FHL2: variants seen among roughly 807,000 people sequenced by gnomAD.
FHL2 encodes the protein four and a half LIM domains 2.
Under a neutral mutation model 32.7 loss-of-function variants are expected in FHL2, and 20 were observed. The observed-to-expected ratio is 0.61, with a 90% CI of 0.43 to 0.89. The LOEUF is 0.89. Among genes scored for constraint, FHL2 ranks in the 40% least tolerant of loss-of-function variants. FHL2 has a pLI of 0.00. For synonymous variants in FHL2, 123 were observed against 128.1 expected (o/e 0.96, Z 0.27); for missense variants, 311 against 358.6 (o/e 0.87, Z 1.07).
At chr2:105,385,542 G>T (rs1163268667) in intron 3 of FHL2, among the ~76,000 whole-genome samples, 1 of 152,232 alleles carries the variant, frequency 6.6e-6, no homozygotes, top group Non-Finnish European at 1.5e-5. Flanking sequence ...TTCCTTTAGA[G>T]ATGCCAAAGG....
At chr2:105,430,289 C>T (rs1684390418) in intron 1 of FHL2, among the ~76,000 whole-genome samples, 1 of 152,182 alleles carries the variant, frequency 6.6e-6, no homozygotes, top group Non-Finnish European at 1.5e-5. Context: ...AAGTCTCTGT[C>T]TGATCTTCTC....
At chr2:105,363,204 T>C in intron 6 of FHL2, 81 bp downstream of exon 6, 1 of 1,403,928 alleles carries the variant, frequency 7.1e-7, no homozygotes, top group East Asian at 2.3e-5. Context: ...TTGAGGGATA[T>C]AGACAGGGTC....
chr2:105,399,804 G>A (rs1683397476), upstream of FHL2: 5 of 543,998 alleles, frequency 9.2e-6, no homozygotes, highest in Non-Finnish European at 1.6e-5. Flanking sequence ...AGGGTGCGTC[G>A]TGATGGAAAC....
chr2:105,416,379 T>G (rs1479435164), intron 1 of FHL2, among the ~76,000 whole-genome samples: 1 of 152,242 alleles, frequency 6.6e-6, no homozygotes, highest in African/African-American at 2.4e-5. Flanking sequence ...GTGGTTTTGG[T>G]TGAAATTTAT....
At chr2:105,380,340 C>A (rs912645402) in intron 3 of FHL2, among the ~76,000 whole-genome samples, 2 of 152,154 alleles carry the variant, frequency 1.3e-5, no homozygotes, top group African/African-American at 4.8e-5. Flanking sequence ...CTGTGAAGAC[C>A]TAGTGCCAAG....
chr2:105,370,316 AG>A (rs1012339142), intron 4 of FHL2, among the ~76,000 whole-genome samples: 2 of 152,056 alleles, frequency 1.3e-5, no homozygotes, highest in African/African-American at 4.8e-5. Context: ...TCAAGGCTGC[AG>A]TGAGCAGTGA....
At chr2:105,438,251 G>T in intron 1 of FHL2, 1 of 595,110 alleles carries the variant, frequency 1.7e-6, no homozygotes, top group African/African-American at 2.0e-5. Flanking sequence ...CTCTGCTGGG[G>T]TCAGCGAGCT....
chr2:105,381,133 G>A (rs1681857297), intron 3 of FHL2, among the ~76,000 whole-genome samples: 1 of 152,156 alleles, frequency 6.6e-6, no homozygotes, highest in Non-Finnish European at 1.5e-5. Flanking sequence ...ATTCCACCAG[G>A]GCTGGCACCA....
chr2:105,370,106 C>A (rs1322683739), intron 4 of FHL2, among the ~76,000 whole-genome samples: 3 of 152,146 alleles, frequency 2.0e-5, no homozygotes, highest in Admixed American at 6.5e-5. Context: ...GGCTGCGGTG[C>A]CTCAGCCTTG....
intron 1 of FHL2, among the ~76,000 whole-genome samples, chr2:105,427,811 C>A (rs1460874270): frequency 4.6e-5 from 7 of 152,214 alleles, no homozygotes; most frequent in Admixed American, 3.9e-4. Flanking sequence ...AGAAGGGACC[C>A]CCTCTGACAG....
At chr2:105,379,891 G>A (rs973915083) in intron 3 of FHL2, among the ~76,000 whole-genome samples, 4 of 152,200 alleles carry the variant, frequency 2.6e-5, no homozygotes, top group African/African-American at 7.2e-5. Context: ...GTGCCACGCC[G>A]GCGACCTAGT....
chr2:105,365,675 A>C (rs77846543), intron 5 of FHL2, among the ~76,000 whole-genome samples: 282 of 107,028 alleles, frequency 2.6e-3, no homozygotes, highest in African/African-American at 7.6e-3. Context: ...TCTCTACTAC[A>C]AAAAAAAAAA....
intron 1 of FHL2, among the ~76,000 whole-genome samples, chr2:105,415,456 A>G (rs1365795731): frequency 6.6e-6 from 1 of 152,244 alleles, no homozygotes; most frequent in East Asian, 1.9e-4. Flanking sequence ...GTGTGCATTG[A>G]TTACCTGTTA....
chr2:105,394,136 C>T (rs1225524964), intron 2 of FHL2, among the ~76,000 whole-genome samples: 6 of 152,242 alleles, frequency 3.9e-5, no homozygotes, highest in African/African-American at 7.2e-5. Flanking sequence ...TATTTTCCTA[C>T]GGATGGGAGT....
intron 1 of FHL2, among the ~76,000 whole-genome samples, chr2:105,397,376 C>T (rs1683213766): frequency 6.6e-6 from 1 of 152,120 alleles, no homozygotes; most frequent in African/African-American, 2.4e-5. Context: ...GGCTTCTTAA[C>T]AACCCTAACA....
chr2:105,393,283 C>T (rs999105707), intron 2 of FHL2, among the ~76,000 whole-genome samples: 1 of 152,184 alleles, frequency 6.6e-6, no homozygotes, highest in Non-Finnish European at 1.5e-5. Context: ...TCTAACATAG[C>T]CATTTCCTAA....
At chr2:105,408,411 G>A (rs1181626032) in intron 1 of FHL2, among the ~76,000 whole-genome samples, 3 of 152,148 alleles carry the variant, frequency 2.0e-5, no homozygotes, top group South Asian at 4.1e-4. Context: ...GTTGATTTGA[G>A]CATCCACAGC....
chr2:105,398,592 C>T (rs1683306802), intron 1 of FHL2, among the ~76,000 whole-genome samples: 1 of 152,188 alleles, frequency 6.6e-6, no homozygotes, highest in East Asian at 1.9e-4. Flanking sequence ...GGTGAGGACG[C>T]GGGCTGCAGT....
In FHL2 at chr2:105,406,883, T is replaced by A. The variant is rs552984640; in HGVS notation, c.-24-20343A>T. Reference sequence around the variant, plus strand: ...CACTCTCTTCTGCCTGGTGGACTCCTGTTTATCCTTAGACCAAATAAGGTA... The same window carrying A: ...CACTCTCTTCTGCCTGGTGGACTCCAGTTTATCCTTAGACCAAATAAGGTA... On this transcript the variant is annotated intron_variant, in intron 1 of 5. Coordinates refer to the FHL2 transcript ENST00000393352. Among the ~76,000 whole-genome samples, 9 of 152,288 alleles carry A rather than the reference T, an allele frequency of 5.9e-5. No individual in the cohort carries two copies. In the East Asian group the frequency reaches 1.7e-3, roughly 30 times the overall value.
Sources: allele counts gnomAD v4.1 joint callset (sites outside exome capture counted in the v4.1 genomes callset), GRCh38; gene constraint gnomAD v4.1.1; transcripts MANE v1.5; gene names NCBI Gene and HGNC (gene_info 2026-07-23, HGNC 2026-07-21).